Variants in ITPA observed in about 807,000 individuals in gnomAD.
ITPA encodes the protein inosine triphosphatase.
ITPA carries 29 observed loss-of-function variants against 29.6 expected under a neutral mutation model. That is an observed-to-expected ratio of 0.98 (90% CI 0.73 to 1.34). ITPA has a LOEUF of 1.34. Ranked by LOEUF, ITPA falls within the 40% of genes most tolerant of loss-of-function variation. ITPA has a pLI of 0.00. For missense variants in ITPA, 241 were observed against 251.5 expected (o/e 0.96, Z 0.28); for synonymous variants, 103 against 99.3 (o/e 1.04, Z -0.22).
chr20:3,212,198 A>C (rs1300935168), intron 1 of ITPA, among the ~76,000 whole-genome samples: 1 of 152,238 alleles, frequency 6.6e-6, no homozygotes, highest in East Asian at 1.9e-4. Flanking sequence ...ACATAGGATT[A>C]CAAAGGAAGT....
At position 3,213,319 on chromosome 20, in the gene ITPA, T is replaced by C. The variant is rs780431801; in HGVS notation, c.125T>C (p.Leu42Pro). The change falls in exon 3 of 8, where the codon CTG becomes CCG. Residue 42 changes from leucine (L) to proline (P), a missense_variant and splice_region_variant. Coordinates refer to ENST00000380113, the MANE Select transcript of ITPA (RefSeq NM_033453.4). ...PCTLVAQKID[L>P]PEYQGEPDEI... ...TCTGTGTGTCTGTTTCCCTGATAAG[T>C]GCCGGAGTACCAGGGGGAGCCGGAT... 1 of 1,614,064 alleles carries C rather than the reference T, an allele frequency of 6.2e-7. No individual in the cohort carries two copies. The highest frequency in any genetic ancestry group is 8.5e-7 in the Non-Finnish European group (1 of 1,179,934).
chr20:3,206,147 G>A (rs911700757), upstream of ITPA, among the ~76,000 whole-genome samples: 1 of 151,936 alleles, frequency 6.6e-6, no homozygotes, highest in Non-Finnish European at 1.5e-5. Flanking sequence ...CCAGCACTTT[G>A]GGAGGCTGAG....
Position 3,223,165 on chromosome 20 carries a change from T to C in ITPA, c.489-201T>C, listed in dbSNP as rs563957574. On this transcript the variant is annotated intron_variant, in intron 7 of 7. Coordinates refer to ENST00000380113, the MANE Select transcript of ITPA (RefSeq NM_033453.4). Reference sequence around the variant, plus strand: ...TTTAATACCCCTCCATGCTCATTCATGGGGGTTTCTGCCTACAGGGGAATT... The same window carrying C: ...TTTAATACCCCTCCATGCTCATTCACGGGGGTTTCTGCCTACAGGGGAATT... Among the ~76,000 whole-genome samples the C allele has an allele frequency of 4.6e-5, 7 of 152,338 alleles. No individual in the cohort carries two copies. The South Asian group carries it at 1.2e-3, about 27-fold the overall frequency.
chr20:3,204,351 G>A (rs1389993650), upstream of ITPA, among the ~76,000 whole-genome samples: 3 of 152,096 alleles, frequency 2.0e-5, no homozygotes, highest in South Asian at 2.1e-4. Context: ...AAGGGGTAGC[G>A]GCGCGGCCAC....
intron 6 of ITPA, among the ~76,000 whole-genome samples, chr20:3,221,599 G>C (rs542365400): frequency 6.6e-6 from 1 of 152,224 alleles, no homozygotes; most frequent in African/African-American, 2.4e-5. Flanking sequence ...GCGTGGCCCC[G>C]GAGGTGCTGG....
chr20:3,220,909 GTGTT>G (rs1399777906), intron 6 of ITPA, among the ~76,000 whole-genome samples: 3 of 151,826 alleles, frequency 2.0e-5, no homozygotes, highest in East Asian at 1.9e-4. Flanking sequence ...GTTTTTTGGA[GTGTT>G]TGTTTGTTTG....
intron 3 of ITPA, 106 bp downstream of exon 3, chr20:3,213,489 A>G (rs995847790): frequency 1.4e-6 from 2 of 1,401,756 alleles, no homozygotes; most frequent in Non-Finnish European, 2.0e-6. Context: ...TGAGCTTTCT[A>G]GGACCGGCCC....
chr20:3,218,226 G>A (rs1387700464), intron 5 of ITPA, among the ~76,000 whole-genome samples: 2 of 152,190 alleles, frequency 1.3e-5, no homozygotes, highest in African/African-American at 4.8e-5. Flanking sequence ...CCTACAGTTG[G>A]TTAGTTTTGA....
upstream of ITPA, chr20:3,209,335 A>G: frequency 1.6e-6 from 1 of 633,608 alleles, no homozygotes; most frequent in Non-Finnish European, 2.9e-6. The surrounding 1 kb of genome is among the most constrained non-coding windows in gnomAD (Gnocchi z 4.6). Context: ...TGGGTCACTC[A>G]GTCTCCAGGC....
At chr20:3,210,262 G>A (rs2067141433) in intron 1 of ITPA, among the ~76,000 whole-genome samples, 1 of 152,224 alleles carries the variant, frequency 6.6e-6, no homozygotes, top group Non-Finnish European at 1.5e-5. Flanking sequence ...GGAATATAGT[G>A]TTATCGTGTC....
chr20:3,213,059 C>A, intron 1 of ITPA, 110 bp from the exon 2 acceptor site: 1 of 1,194,508 alleles, frequency 8.4e-7, no homozygotes, highest in Non-Finnish European at 1.3e-6. Context: ...AGTTGGTAAG[C>A]TTTAGGAGAT....
chr20:3,222,103 G>A (rs2067480037), intron 7 of ITPA, among the ~76,000 whole-genome samples, 186 bp downstream of exon 7: 1 of 152,220 alleles, frequency 6.6e-6, no homozygotes, highest in Non-Finnish European at 1.5e-5. Context: ...GTCCATGGTT[G>A]GGGAGGCAGC....
At chr20:3,222,028 C>T (rs2067478650) in intron 7 of ITPA, 111 bp downstream of exon 7, 1 of 1,035,950 alleles carries the variant, frequency 9.7e-7, no homozygotes, top group Admixed American at 1.9e-5. Flanking sequence ...AGGGGAGGCT[C>T]CCAGGGTGCT....
In ITPA at chr20:3,222,261, T is replaced by G. The variant is rs1360038788; in HGVS notation, c.488+344T>G. 2.6e-5 allele frequency among the ~76,000 whole-genome samples: 4 copies of G among 151,942 alleles called. No homozygotes were observed. In the East Asian group the frequency reaches 5.8e-4, roughly 22 times the overall value. On this transcript the variant is annotated intron_variant, in intron 7 of 7. Coordinates refer to ENST00000380113, the MANE Select transcript of ITPA (RefSeq NM_033453.4). ...TTTTGAGATGGAGTTTCACTCTTGT[T>G]GCCCAGGCTGGAGTGCAACGGCGTG...
At chr20:3,213,426 G>A (rs1377136400) in intron 3 of ITPA, 43 bp downstream of exon 3, 9 of 1,612,322 alleles carry the variant, frequency 5.6e-6, no homozygotes, top group Non-Finnish European at 7.6e-6. Context: ...TTCTTGTCCA[G>A]GTAGCTTCCA....
At chr20:3,208,024 G>C (rs2067095240), upstream of ITPA, among the ~76,000 whole-genome samples, 1 of 151,456 alleles carries the variant, frequency 6.6e-6, no homozygotes, top group African/African-American at 2.4e-5. Flanking sequence ...GAAAAAGAGA[G>C]GTGAGCAAAA....
Position 3,213,355 on chromosome 20 carries a change from T to C in ITPA, c.161T>C (p.Ile54Thr), listed in dbSNP as rs776582353. 16 of 1,614,158 alleles carry C rather than the reference T, an allele frequency of 9.9e-6. No individual in the cohort carries two copies. Among genetic ancestry groups the C allele is most frequent in the Non-Finnish European group, 8.5e-6 (10 of 1,180,032 alleles). ...CAGGGGGAGCCGGATGAGATTTCCATACAGAAATGTCAGGAGGCAGTTCGC... is the reference window on the plus strand; with the variant it reads ...CAGGGGGAGCCGGATGAGATTTCCACACAGAAATGTCAGGAGGCAGTTCGC... ...EYQGEPDEISIQKCQEAVRQV... is the reference protein window; with the variant it reads ...EYQGEPDEISTQKCQEAVRQV... Residue 54 changes from isoleucine to threonine, a missense_variant, in exon 3 of 8, where the codon ATA (isoleucine) becomes ACA (threonine). Transcript: ENST00000380113.
chr20:3,217,021 C>T (rs1020791441), intron 5 of ITPA, among the ~76,000 whole-genome samples: 5 of 152,096 alleles, frequency 3.3e-5, no homozygotes, highest in Non-Finnish European at 5.9e-5. Flanking sequence ...GCTGGGATTA[C>T]AGGTGCCCAC....
chr20:3,218,943 C>A, intron 6 of ITPA: 1 of 441,024 alleles, frequency 2.3e-6, no homozygotes, highest in Admixed American at 3.5e-5. Flanking sequence ...TTCAGGGAAA[C>A]AGTTGGCTAA....
Sources: allele counts gnomAD v4.1 joint callset (sites outside exome capture counted in the v4.1 genomes callset), GRCh38; gene constraint gnomAD v4.1.1; non-coding constraint Gnocchi (gnomAD v3.1); transcripts MANE v1.5; gene names NCBI Gene and HGNC (gene_info 2026-07-23, HGNC 2026-07-21).